Variants in ATG7 observed in about 807,000 individuals in gnomAD.
The protein encoded by ATG7 is autophagy related 7.
ATG7 carries 70 observed loss-of-function variants against 82.4 expected under a neutral mutation model. That is an observed-to-expected ratio of 0.85 (90% confidence interval 0.70 to 1.04). ATG7 has a LOEUF of 1.04. Among genes scored for constraint, ATG7 ranks in the 50% least tolerant of loss-of-function variants. The pLI, the probability that ATG7 is intolerant of heterozygous loss-of-function variation, is 0.00. For synonymous variants in ATG7, 287 were observed against 313.0 expected (o/e 0.92, Z 0.88); for missense variants, 792 against 864.3 (o/e 0.92, Z 1.05).
At chr3:11,444,594 A>G (rs1395001343) in intron 20 of ATG7, among the ~76,000 whole-genome samples, 1 of 152,162 alleles carries the variant, frequency 6.6e-6, no homozygotes, top group Non-Finnish European at 1.5e-5. Context: ...TAAATGTAAA[A>G]CCCAAAACTA....
chr3:11,478,559 A>G (rs7623147), intron 20 of ATG7, among the ~76,000 whole-genome samples: 14,520 of 152,228 alleles, frequency 0.095, 1,304 homozygotes, highest in African/African-American at 0.24. Context: ...TAAATCACTT[A>G]CAACAGCTTT....
At chr3:11,381,686 C>G (rs963840817) in intron 19 of ATG7, among the ~76,000 whole-genome samples, 26 of 152,174 alleles carry the variant, frequency 1.7e-4, no homozygotes, top group African/African-American at 6.0e-4. Context: ...GAGAGTCCTG[C>G]TTTACATAAA....
intron 14 of ATG7, among the ~76,000 whole-genome samples, chr3:11,354,826 G>C (rs985007671): frequency 6.6e-6 from 1 of 152,170 alleles, no homozygotes; most frequent in Non-Finnish European, 1.5e-5. Context: ...TTTTCAGACA[G>C]TGAACAGTAG....
intron 5 of ATG7, among the ~76,000 whole-genome samples, chr3:11,303,376 A>G (rs961850496): frequency 2.0e-5 from 3 of 152,248 alleles, no homozygotes; most frequent in Admixed American, 2.0e-4. Context: ...CTGAGAAAAA[A>G]AAAGAATTTT....
At chr3:11,472,794 A>G (rs189925631) in intron 20 of ATG7, among the ~76,000 whole-genome samples, 1 of 152,250 alleles carries the variant, frequency 6.6e-6, no homozygotes, top group African/African-American at 2.4e-5. Context: ...GATTGGTCTG[A>G]TAGCTCCAGT....
intron 20 of ATG7, among the ~76,000 whole-genome samples, chr3:11,546,354 TAG>T (rs1227552715): frequency 1.3e-5 from 2 of 151,894 alleles, no homozygotes; most frequent in African/African-American, 4.8e-5. Context: ...GTATTTTTAG[TAG>T]AGAGGGGGTT....
intron 5 of ATG7, among the ~76,000 whole-genome samples, chr3:11,306,572 CT>C (rs954927063): frequency 6.6e-6 from 1 of 152,080 alleles, no homozygotes; most frequent in Non-Finnish European, 1.5e-5. Context: ...AGGCAAGTTG[CT>C]TAAACCTTTA....
chr3:11,442,820 C>T (rs1012549871), intron 20 of ATG7, among the ~76,000 whole-genome samples: 1 of 145,152 alleles, frequency 6.9e-6, no homozygotes. Context: ...ACTTGGGAGG[C>T]TGAGATGGGA....
chr3:11,514,042 T>A (rs2092180189), intron 20 of ATG7, among the ~76,000 whole-genome samples: 1 of 152,190 alleles, frequency 6.6e-6, no homozygotes, highest in Non-Finnish European at 1.5e-5. Flanking sequence ...AGCTAATTTT[T>A]TTTTGGTTTT....
chr3:11,521,896 C>A (rs2124921586), intron 20 of ATG7, among the ~76,000 whole-genome samples: 1 of 152,266 alleles, frequency 6.6e-6, no homozygotes, highest in South Asian at 2.1e-4. Context: ...CATGGAATGA[C>A]TCTAGACTGC....
intron 3 of ATG7, among the ~76,000 whole-genome samples, chr3:11,289,802 C>T (rs563417122): frequency 2.6e-5 from 4 of 152,316 alleles, no homozygotes; most frequent in Admixed American, 6.5e-5. Context: ...TCAAGCGATC[C>T]TCCTGCCTCA....
intron 18 of ATG7, among the ~76,000 whole-genome samples, chr3:11,369,767 T>G (rs183545026): frequency 2.0e-5 from 3 of 151,074 alleles, no homozygotes; most frequent in African/African-American, 7.3e-5. Context: ...CCAGGAGGAG[T>G]TGGGCCTAAC....
At chr3:11,500,923 C>T (rs778989767) in intron 20 of ATG7, among the ~76,000 whole-genome samples, 3 of 152,170 alleles carry the variant, frequency 2.0e-5, no homozygotes, top group Non-Finnish European at 4.4e-5. Context: ...GCCACTGCAC[C>T]GCCCAACCTA....
At chr3:11,284,993 C>T (rs1483960166) in intron 3 of ATG7, among the ~76,000 whole-genome samples, 2 of 151,702 alleles carry the variant, frequency 1.3e-5, no homozygotes, top group African/African-American at 4.8e-5. Flanking sequence ...ACTATAGGCG[C>T]CCGCCACCAT....
chr3:11,397,639 T>C (rs1208436287), intron 19 of ATG7, among the ~76,000 whole-genome samples: 3 of 151,638 alleles, frequency 2.0e-5, no homozygotes, highest in African/African-American at 2.4e-5. Context: ...GTATTTTTAG[T>C]AGAGATGGGG....
chr3:11,461,145 A>C (rs575549124), intron 20 of ATG7, among the ~76,000 whole-genome samples: 8 of 152,196 alleles, frequency 5.3e-5, no homozygotes, highest in Non-Finnish European at 1.2e-4. Context: ...GAAGCCATGG[A>C]TATAGGGTGT....
At position 11,307,048 on chromosome 3, in the gene ATG7, A is replaced by G. The variant is rs1947866435; in HGVS notation, c.321A>G (p.Gln107=). The G allele has an allele frequency of 6.2e-7, 1 of 1,613,272 alleles. No individual in the cohort carries two copies. The highest frequency in any genetic ancestry group is 1.3e-5 in the African/African-American group (1 of 75,038). Residue 107 remains glutamine, a synonymous_variant, in exon 6 of 21, where the codon CAA becomes CAG. Transcript: ENST00000693202. ...CAGATAAGAAGCTCCTTTTGGAACA[A>G]GCAGCAAATGAGGTTAGCTGTGAAA... ...KTADKKLLLE[Q]AANEIWESIK...
At position 11,465,828 on chromosome 3, in the gene ATG7, A is replaced by G. The variant is rs565914412; in HGVS notation, c.2079+38902A>G. Among the ~76,000 whole-genome samples, 4 of 152,202 alleles carry G rather than the reference A, an allele frequency of 2.6e-5. No homozygotes were observed. The South Asian group carries it at 6.2e-4, about 24-fold the overall frequency. ...CCCTAATATATTTGGCTTCTATAAA[A>G]ATTAAAAACCCAGGGATAAGAAGAA... On this transcript the variant is annotated intron_variant, in intron 20 of 20. Coordinates refer to ENST00000693202, the MANE Select transcript of ATG7 (RefSeq NM_001349232.2).
At chr3:11,477,037 T>A in intron 20 of ATG7, 1 of 1,192,036 alleles carries the variant, frequency 8.4e-7, no homozygotes, top group South Asian at 1.3e-5. Flanking sequence ...ATGATTGTTA[T>A]GCACAATGGG....
Sources: gnomAD v4.1 joint callset for allele counts (sites outside exome capture counted in the v4.1 genomes callset) on GRCh38, gnomAD v4.1.1 for gene constraint, MANE v1.5 for transcripts, NCBI Gene and HGNC (gene_info 2026-07-23, HGNC 2026-07-21) for gene names.